The following AGFG1 variants were observed in gnomAD, a reference collection of about 807,000 sequenced individuals.
The protein encoded by AGFG1 is ArfGAP with FG repeats 1, also known as arf-GAP domain and FG repeat-containing protein 1.
A neutral mutation model predicts 60.6 loss-of-function variants in AGFG1; 10 were observed. The observed-to-expected ratio is 0.16, with a 90% CI of 0.10 to 0.28. The LOEUF (loss-of-function observed/expected upper bound fraction) is 0.28, where lower values mean the gene tolerates loss of function less well. Ranked by LOEUF, AGFG1 falls within the 10% of genes least tolerant of loss-of-function variation. The pLI is 1.00. For synonymous variants in AGFG1, 247 were observed against 242.9 expected, an observed-to-expected ratio of 1.02 and a Z score of -0.16; for missense variants, 537 against 676.5, an observed-to-expected ratio of 0.79 and a Z score of 2.29.
chr2:227,536,296 A>G (rs1230501549), intron 8 of AGFG1, among the ~76,000 whole-genome samples: 1 of 151,610 alleles, frequency 6.6e-6, no homozygotes, highest in East Asian at 1.9e-4. Context: ...CTTGTGATAT[A>G]GTTTGCTTAG....
chr2:227,499,612 C>T (rs933579163), intron 2 of AGFG1, among the ~76,000 whole-genome samples: 1 of 150,842 alleles, frequency 6.6e-6, no homozygotes, highest in Non-Finnish European at 1.5e-5. Flanking sequence ...TGTACTCCAG[C>T]CTGGGTGACA....
intron 3 of AGFG1, among the ~76,000 whole-genome samples, chr2:227,523,427 A>G (rs1043853779): frequency 6.6e-6 from 1 of 152,186 alleles, no homozygotes; most frequent in Non-Finnish European, 1.5e-5. Context: ...TATAGTATGA[A>G]CTATTCATGG....
intron 1 of AGFG1, among the ~76,000 whole-genome samples, chr2:227,490,644 A>G (rs1690785113): frequency 6.6e-6 from 1 of 151,822 alleles, no homozygotes; most frequent in Admixed American, 6.6e-5. Context: ...GACCTTTGTC[A>G]GAGAACATGA....
chr2:227,477,773 A>T (rs1690329310), intron 1 of AGFG1, among the ~76,000 whole-genome samples: 1 of 151,034 alleles, frequency 6.6e-6, no homozygotes, highest in Non-Finnish European at 1.5e-5. Flanking sequence ...GCCTGGCTAA[A>T]TTTTTTTTGT....
chr2:227,533,847 C>G, intron 7 of AGFG1, 89 bp downstream of exon 7: 8 of 1,221,350 alleles, frequency 6.6e-6, no homozygotes, highest in Non-Finnish European at 9.1e-6. Flanking sequence ...ACATGCTACA[C>G]TTTTCTCAGT....
intron 10 of AGFG1, among the ~76,000 whole-genome samples, chr2:227,538,888 TAGAA>T (rs879584796): frequency 1.4e-4 from 21 of 152,294 alleles, no homozygotes; most frequent in East Asian, 7.7e-4. Flanking sequence ...AAAAATTTAT[TAGAA>T]AGGTAAAACG....
rs1212031518 is a variant in AGFG1, at chr2:227,491,589, G to C, written c.210G>C (p.Met70Ile). The change falls in exon 2 of 13, where the codon ATG becomes ATC. Residue 70 changes from methionine (M) to isoleucine (I), a missense_variant. Met to Ile is a conservative substitution (Grantham distance 10, BLOSUM62 1). Around this residue, in one of 4 missense-constraint regions of AGFG1, gnomAD observed 120 missense variants for 198.5 expected, o/e 0.60. Transcript: ENST00000310078. ...NPPHRVKSIS[M>I]TTFTQQEIEF... ...CACACAGGGTGAAATCTATCTCCAT[G>C]ACAACATTCACACAACAGGAAATTG... The C allele has an allele frequency of 6.4e-7, 1 of 1,563,540 alleles. No homozygotes were observed. The highest frequency in any genetic ancestry group is 1.4e-5 in the African/African-American group (1 of 72,490).
At chr2:227,484,677 G>GTTTTTTTTGTT (rs1690566267) in intron 1 of AGFG1, among the ~76,000 whole-genome samples, 1 of 115,908 alleles carries the variant, frequency 8.6e-6, no homozygotes, top group Non-Finnish European at 1.7e-5. Context: ...AGATCTCTTA[G>GTTTTTTTTGTT]TTTTTTTTTT....
At chr2:227,553,649 C>T in intron 11 of AGFG1, 55 bp from the exon 12 acceptor site, 1 of 1,367,390 alleles carries the variant, frequency 7.3e-7, no homozygotes, top group South Asian at 1.2e-5. Flanking sequence ...GCTTTATAAG[C>T]ATCAGATTGT....
Position 227,553,915 on chromosome 2 carries a change from A to G in AGFG1, c.1629+120A>G, listed in dbSNP as rs56223971. 1,285 of 687,378 alleles carry G rather than the reference A, an allele frequency of 1.9e-3. 15 individuals are homozygous for G. In the African/African-American group the frequency reaches 0.02, roughly 11 times the overall value. The allele number at this position is 687,378 out of a possible 1,614,324, so 42.6% of individuals were successfully genotyped here. A position where few individuals can be genotyped will look rare whatever the true frequency, so the allele number is the denominator to read the frequency against. The stretch of plus-strand genomic sequence containing the variant: ...GTGTTATATTGATATGAGTGACATC[A>G]TAAGATTGTACAAATTGACACAGAG... On this transcript the variant is annotated intron_variant, in intron 12 of 12. Transcript: ENST00000310078.
At chr2:227,496,030 A>T (rs1018955199) in intron 2 of AGFG1, among the ~76,000 whole-genome samples, 32 of 151,268 alleles carry the variant, frequency 2.1e-4, no homozygotes, top group African/African-American at 7.5e-4. Flanking sequence ...AGGTGGGAGA[A>T]TCGCTTGAAC....
chr2:227,498,476 G>T (rs1169895985), intron 2 of AGFG1, among the ~76,000 whole-genome samples: 1 of 152,166 alleles, frequency 6.6e-6, no homozygotes, highest in African/African-American at 2.4e-5. Context: ...TTATTTAAGG[G>T]ATATTTATTT....
intron 2 of AGFG1, among the ~76,000 whole-genome samples, chr2:227,497,487 A>G (rs1171710533): frequency 6.6e-6 from 1 of 152,028 alleles, no homozygotes; most frequent in Non-Finnish European, 1.5e-5. Context: ...TCAGTCTTTC[A>G]GGAGTTTTTA....
chr2:227,540,260 T>G (rs528165884), intron 10 of AGFG1, among the ~76,000 whole-genome samples: 1 of 151,942 alleles, frequency 6.6e-6, no homozygotes, highest in Admixed American at 6.6e-5. Flanking sequence ...TTGTTACATA[T>G]GTATACATGT....
rs1477794036 is a variant in AGFG1, at chr2:227,557,447, C to T, written c.*2952C>T. ...TCAATTGGCAACATGGAGAGGGTGACCTGGCTGCTGGTTTACCACTGTACC... is the reference window on the plus strand; with the variant it reads ...TCAATTGGCAACATGGAGAGGGTGATCTGGCTGCTGGTTTACCACTGTACC... On this transcript the variant is annotated 3_prime_UTR_variant, in exon 13 of 13. Transcript: ENST00000310078. The T allele has an allele frequency of 6.6e-6, 1 of 152,068 alleles. No homozygotes were observed. Among genetic ancestry groups the T allele is most frequent in the African/African-American group, 2.4e-5 (1 of 41,382 alleles). 9.4% of individuals were successfully genotyped at this position (152,068 alleles called of 1,614,324 possible). A position where few individuals can be genotyped will look rare whatever the true frequency, so the allele number is the denominator to read the frequency against.
chr2:227,488,445 CT>C (rs1690704353), intron 1 of AGFG1, among the ~76,000 whole-genome samples: 1 of 152,154 alleles, frequency 6.6e-6, no homozygotes. Context: ...AACATACATC[CT>C]TTTAATAGTG....
intron 4 of AGFG1, among the ~76,000 whole-genome samples, chr2:227,524,380 T>C (rs1691921653): frequency 6.6e-6 from 1 of 152,202 alleles, no homozygotes; most frequent in Non-Finnish European, 1.5e-5. Flanking sequence ...CAAGGGACTT[T>C]GCATTATACC....
At chr2:227,553,575 C>T in intron 11 of AGFG1, 129 bp from the exon 12 acceptor site, 1 of 657,558 alleles carries the variant, frequency 1.5e-6, no homozygotes, top group Non-Finnish European at 2.6e-6. Context: ...TGAGGCCTAA[C>T]AACTTAACTT....
intron 10 of AGFG1, among the ~76,000 whole-genome samples, chr2:227,546,458 G>A (rs915459764): frequency 1.3e-5 from 2 of 152,182 alleles, no homozygotes; most frequent in Admixed American, 6.5e-5. Flanking sequence ...GTGATGCCCC[G>A]CCTTGCTTCG....
Sources: allele counts gnomAD v4.1 joint callset (sites outside exome capture counted in the v4.1 genomes callset), GRCh38; gene constraint gnomAD v4.1.1; regional missense constraint gnomAD v4.1.1; transcripts MANE v1.5; gene names NCBI Gene and HGNC (gene_info 2026-07-23, HGNC 2026-07-21).